Variants in ITPR2 observed in about 807,000 individuals in gnomAD.
The protein encoded by ITPR2 is inositol 1,4,5-trisphosphate receptor type 2.
A neutral mutation model predicts 317.1 loss-of-function variants in ITPR2; 207 were observed. The observed-to-expected ratio is 0.65, with a 90% CI of 0.58 to 0.73. ITPR2 has a LOEUF of 0.73. Ranked by LOEUF, ITPR2 falls within the 30% of genes least tolerant of loss-of-function variation. ITPR2 has a pLI of 0.00. For synonymous variants in ITPR2, 1,156 were observed against 1,149.1 expected (o/e 1.01, Z -0.12); for missense variants, 2,613 against 3,284.0 (o/e 0.80, Z 4.99).
At chr12:26,524,900 T>C (rs1018993062) in intron 37 of ITPR2, among the ~76,000 whole-genome samples, 1 of 152,226 alleles carries the variant, frequency 6.6e-6, no homozygotes, top group Non-Finnish European at 1.5e-5. Flanking sequence ...ATTTAGAAAA[T>C]GTTTTCTTTG....
At chr12:26,773,248 G>A (rs951334469) in intron 2 of ITPR2, among the ~76,000 whole-genome samples, 8 of 152,176 alleles carry the variant, frequency 5.3e-5, no homozygotes, top group African/African-American at 7.2e-5. Context: ...GAGAAAGGCC[G>A]TTATAAGCAC....
chr12:26,481,107 G>C, intron 43 of ITPR2, 24 bp downstream of exon 43: 1 of 1,381,172 alleles, frequency 7.2e-7, no homozygotes, highest in Non-Finnish European at 1.0e-6. Context: ...AGCTTTTCTG[G>C]CCTGAACAGT....
chr12:26,769,895 C>A (rs941256732), intron 2 of ITPR2, among the ~76,000 whole-genome samples: 1 of 152,200 alleles, frequency 6.6e-6, no homozygotes, highest in Non-Finnish European at 1.5e-5. Flanking sequence ...TTTCTTACCA[C>A]ATCACGTTCC....
At chr12:26,468,489 G>A (rs1222840689) in intron 45 of ITPR2, among the ~76,000 whole-genome samples, 7 of 151,202 alleles carry the variant, frequency 4.6e-5, no homozygotes, top group Admixed American at 2.6e-4. Context: ...CAGCATGCAT[G>A]CATTTTTGCC....
At chr12:26,778,569 G>C (rs1450320366) in intron 2 of ITPR2, among the ~76,000 whole-genome samples, 1 of 152,122 alleles carries the variant, frequency 6.6e-6, no homozygotes, top group Non-Finnish European at 1.5e-5. Context: ...ATTTGCCTTC[G>C]GCTGGCAAGG....
chr12:26,394,683 T>C (rs1174104580), intron 54 of ITPR2, among the ~76,000 whole-genome samples: 1 of 152,108 alleles, frequency 6.6e-6, no homozygotes, highest in Non-Finnish European at 1.5e-5. Context: ...ATGTTATTGA[T>C]GGCTTTTTGA....
chr12:26,456,428 C>T (rs775916750), intron 45 of ITPR2, among the ~76,000 whole-genome samples: 6 of 152,196 alleles, frequency 3.9e-5, no homozygotes, highest in Non-Finnish European at 7.3e-5. Flanking sequence ...CCAGGAATTG[C>T]CCAGCCCTTT....
At chr12:26,593,708 G>T (rs1340896959) in intron 32 of ITPR2, among the ~76,000 whole-genome samples, 1 of 149,398 alleles carries the variant, frequency 6.7e-6, no homozygotes, top group African/African-American at 2.5e-5. Context: ...ATCCAATTAA[G>T]CAATAGTTAA....
intron 41 of ITPR2, 65 bp downstream of exon 41, chr12:26,486,039 T>C (rs1000930154): frequency 1.1e-5 from 17 of 1,560,056 alleles, no homozygotes; most frequent in African/African-American, 4.1e-5. Context: ...GTTGGTTTTA[T>C]TTGAATTTAA....
intron 2 of ITPR2, among the ~76,000 whole-genome samples, chr12:26,759,511 T>C (rs1949590299): frequency 2.0e-5 from 3 of 152,192 alleles, no homozygotes; most frequent in Admixed American, 2.0e-4. Context: ...ATATCTTACC[T>C]AAGGAAATTG....
At position 26,486,140 on chromosome 12, in the gene ITPR2, A is replaced by C. The variant is rs747607942; in HGVS notation, c.5775T>G (p.Leu1925=). 6.2e-7 allele frequency: 1 copy of C among 1,614,190 alleles called. No homozygotes were observed. The highest frequency in any genetic ancestry group is 1.7e-5 in the Admixed American group (1 of 60,024). Residue 1925 remains leucine (L), a synonymous_variant, in exon 41 of 57, where the codon CTT becomes CTG. Transcript: ENST00000381340. ...IAIMQPILRF[L]QLLCENHNRE... ...GGTTGTGATTCTCACACAGTAACTGAAGAAATCTCAGTATTGGCTGCATGA... is the reference window on the plus strand; with the variant it reads ...GGTTGTGATTCTCACACAGTAACTGCAGAAATCTCAGTATTGGCTGCATGA...
intron 35 of ITPR2, among the ~76,000 whole-genome samples, chr12:26,557,003 T>C (rs61920318): frequency 0.15 from 23,052 of 151,640 alleles, 2,401 homozygotes; most frequent in Non-Finnish European, 0.23. Context: ...CACCTGAGCC[T>C]GGGAGGCGGA....
chr12:26,522,256 C>G (rs895694859), intron 37 of ITPR2, among the ~76,000 whole-genome samples: 1 of 152,172 alleles, frequency 6.6e-6, no homozygotes, highest in African/African-American at 2.4e-5. Context: ...TGTTTATACA[C>G]ACACACACAT....
At chr12:26,602,814 C>G in intron 26 of ITPR2, 108 bp from the exon 27 acceptor site, 1 of 511,074 alleles carries the variant, frequency 2.0e-6, no homozygotes, top group Non-Finnish European at 3.1e-6. Flanking sequence ...TGTAATAAAT[C>G]TATTATTCAA....
rs371875203 is a variant in ITPR2 at position 26,561,937 on chromosome 12, A to G, written c.4646T>C (p.Ile1549Thr). ...GCTGTCCAAATCCACTGGAATGGCA[A>G]TTCCACGATTTTTTGCTGAAAAAGA... The part of the protein sequence containing the change: ...TLAEVAKNRG[I>T]AIPVDLDSQV... Residue 1549 changes from isoleucine to threonine, a missense_variant, in exon 35 of 57, where the codon ATT (isoleucine) becomes ACT (threonine). By Grantham distance (89) the Ile-to-Thr change is moderately conservative. Around this residue, in one of 9 missense-constraint regions of ITPR2, gnomAD observed 926 missense variants for 1,072.8 expected, o/e 0.86. Coordinates refer to ENST00000381340, the MANE Select transcript of ITPR2 (RefSeq NM_002223.4). The G allele has an allele frequency of 1.3e-6, 2 of 1,514,864 alleles. No homozygotes were observed. Among genetic ancestry groups the G allele is most frequent in the Non-Finnish European group, 1.8e-6 (2 of 1,140,028 alleles). The allele number at this position is 1,514,864 out of a possible 1,614,324, so 93.8% of individuals were successfully genotyped here. A position where few individuals can be genotyped will look rare whatever the true frequency, so the allele number is the denominator to read the frequency against.
intron 55 of ITPR2, among the ~76,000 whole-genome samples, chr12:26,348,626 C>T (rs979341194): frequency 6.6e-6 from 1 of 152,184 alleles, no homozygotes; most frequent in African/African-American, 2.4e-5. Flanking sequence ...GGCTAGAAAA[C>T]ACAGTCTTGT....
chr12:26,791,879 CAT>C (rs1950347097), intron 1 of ITPR2, among the ~76,000 whole-genome samples: 2 of 152,224 alleles, frequency 1.3e-5, no homozygotes, highest in Admixed American at 1.3e-4. Context: ...TTGGTTAAGA[CAT>C]GTTAAGAATT....
At chr12:26,532,821 G>A (rs1943981456) in intron 37 of ITPR2, among the ~76,000 whole-genome samples, 1 of 152,046 alleles carries the variant, frequency 6.6e-6, no homozygotes, top group Admixed American at 6.6e-5. Context: ...GAGTAGCCAG[G>A]ATTACAGGCA....
At position 26,599,777 on chromosome 12, in the gene ITPR2, G is replaced by C. The variant is rs530631488; in HGVS notation, c.3801+210C>G. Among the ~76,000 whole-genome samples the C allele has an allele frequency of 4.0e-5, 6 of 151,422 alleles. No homozygotes were observed. The South Asian group carries it at 1.2e-3, about 31-fold the overall frequency. On this transcript the variant is annotated intron_variant, in intron 29 of 56. Coordinates refer to ENST00000381340, the MANE Select transcript of ITPR2 (RefSeq NM_002223.4). Reference sequence around the variant, plus strand: ...TAACTATATACGTATAAAATACATTGTCATTTGCATGTAAAACTTGTGCAA... The same window carrying C: ...TAACTATATACGTATAAAATACATTCTCATTTGCATGTAAAACTTGTGCAA...
Sources: allele counts gnomAD v4.1 joint callset (sites outside exome capture counted in the v4.1 genomes callset), GRCh38; gene constraint gnomAD v4.1.1; regional missense constraint gnomAD v4.1.1; transcripts MANE v1.5; gene names NCBI Gene and HGNC (gene_info 2026-07-23, HGNC 2026-07-21).